INO80: variants seen among roughly 807,000 people sequenced by gnomAD.
The protein encoded by INO80 is INO80 complex ATPase subunit.
INO80 carries 20 observed loss-of-function variants against 203.4 expected under a neutral mutation model. The ratio of observed to expected loss-of-function variants is 0.10; its 90% CI spans 0.07 to 0.14. INO80 has a LOEUF of 0.14. Among genes scored for constraint, INO80 ranks in the 10% least tolerant of loss-of-function variants. The pLI is 1.00. For synonymous variants in INO80, 726 were observed against 685.2 expected (o/e 1.06, Z -0.93); for missense variants, 1,419 against 1,914.4 (o/e 0.74, Z 4.83).
chr15:41,101,508 C>A (rs967574423), intron 1 of INO80, among the ~76,000 whole-genome samples: 4 of 151,922 alleles, frequency 2.6e-5, no homozygotes, highest in African/African-American at 4.8e-5. Context: ...CTCTTACTTG[C>A]TGTGATATTT....
intron 9 of INO80, among the ~76,000 whole-genome samples, chr15:41,079,011 G>A (rs1468035803): frequency 6.6e-6 from 1 of 152,156 alleles, no homozygotes; most frequent in Non-Finnish European, 1.5e-5. Context: ...GCATGGTGGT[G>A]GGTGCCTATA....
At chr15:41,016,285 C>A in intron 26 of INO80, 70 bp from the exon 27 acceptor site, 1 of 1,445,160 alleles carries the variant, frequency 6.9e-7, no homozygotes, top group South Asian at 1.2e-5. Context: ...CAATGCAAAG[C>A]TGTATGCAAC....
intron 29 of INO80, among the ~76,000 whole-genome samples, chr15:40,990,362 C>T (rs1305153083): frequency 6.6e-6 from 1 of 152,066 alleles, no homozygotes; most frequent in Non-Finnish European, 1.5e-5. Flanking sequence ...CTGTTTCTGT[C>T]TCTCTTTTTC....
At chr15:41,031,614 GAGGGAGGA>G (rs1220609101) in intron 24 of INO80, among the ~76,000 whole-genome samples, 1 of 4,412 alleles carries the variant, frequency 2.3e-4, no homozygotes, top group African/African-American at 5.1e-4. Flanking sequence ...AGGAAGGGAG[GAGGGAGGA>G]AGGGAGGAAG....
intron 1 of INO80, among the ~76,000 whole-genome samples, chr15:41,103,788 A>G (rs1377271029): frequency 6.6e-6 from 1 of 152,180 alleles, no homozygotes; most frequent in South Asian, 2.1e-4. Context: ...GACCTTTATC[A>G]TCTGGTTTTG....
intron 5 of INO80, among the ~76,000 whole-genome samples, chr15:41,090,677 T>G (rs1461041351): frequency 6.6e-6 from 1 of 152,008 alleles, no homozygotes; most frequent in Non-Finnish European, 1.5e-5. Context: ...CTTTATGAGG[T>G]GATGCAAATG....
At chr15:41,092,295 C>T (rs769806065) in intron 4 of INO80, 113 bp from the exon 5 acceptor site, 23 of 697,894 alleles carry the variant, frequency 3.3e-5, no homozygotes, top group Non-Finnish European at 5.0e-5. Context: ...AAGATAGTCA[C>T]TCCAGTTCCC....
At chr15:41,041,825 A>G (rs1376119730) in intron 24 of INO80, among the ~76,000 whole-genome samples, 1 of 146,974 alleles carries the variant, frequency 6.8e-6, no homozygotes, top group Non-Finnish European at 1.5e-5. Flanking sequence ...GGCTGAAAGG[A>G]AAGATTTCCT....
chr15:40,990,717 A>G (rs1420188383), intron 29 of INO80, among the ~76,000 whole-genome samples: 1 of 152,232 alleles, frequency 6.6e-6, no homozygotes, highest in Non-Finnish European at 1.5e-5. Context: ...TTTTGGTTTC[A>G]AAGAGGACAT....
At position 41,095,008 on chromosome 15, in the gene INO80, G is replaced by A. The variant is rs148229071; in HGVS notation, c.381+593C>T. 1.5e-4 allele frequency among the ~76,000 whole-genome samples: 22 copies of A among 147,258 alleles called. No individual in the cohort carries two copies. In the Admixed American group the frequency reaches 1.5e-3, roughly 10 times the overall value. ...TTATTAACTTGGGTCCCATCTCCAA[G>A]ATATCTCATTTTGTATTGCAAATAT... On this transcript the variant is annotated intron_variant, in intron 4 of 35. Coordinates refer to ENST00000648947, the MANE Select transcript of INO80 (RefSeq NM_017553.3).
At position 41,057,461 on chromosome 15, in the gene INO80, C is replaced by CAA. The variant is rs34940669; in HGVS notation, c.1986-757_1986-756dup. Among the ~76,000 whole-genome samples the CAA allele has an allele frequency of 1.6e-3, 194 of 117,878 alleles. 1 individual carries two copies. The highest frequency in any genetic ancestry group is 4.5e-3 in the African/African-American group (142 of 31,366). The allele number at this position is 117,878 out of a possible 152,430, so 77.3% of individuals were successfully genotyped here. On this transcript the variant is annotated intron_variant, in intron 16 of 35. Coordinates refer to ENST00000648947, the MANE Select transcript of INO80 (RefSeq NM_017553.3). ...CAGAGCAAGACCCTATCCCCTGTCT[C>CAA]AAAAAAAAAAAAAAAAGATTGCTGT...
At chr15:41,084,538 G>T (rs150655451) in intron 7 of INO80, among the ~76,000 whole-genome samples, 2 of 152,168 alleles carry the variant, frequency 1.3e-5, no homozygotes, top group African/African-American at 4.8e-5. Context: ...CAGCCCAGGC[G>T]ACAGAGCAAG....
chr15:41,059,430 C>T (rs1427345258), intron 15 of INO80, among the ~76,000 whole-genome samples: 1 of 150,806 alleles, frequency 6.6e-6, no homozygotes, highest in Non-Finnish European at 1.5e-5. Flanking sequence ...TTTGAGACCA[C>T]CCTGGGCAAC....
At chr15:40,984,695 C>T (rs1370019291) in intron 32 of INO80, among the ~76,000 whole-genome samples, 1 of 151,922 alleles carries the variant, frequency 6.6e-6, no homozygotes, top group Non-Finnish European at 1.5e-5. Flanking sequence ...TTGGGGCAGT[C>T]ACACTGAACC....
At chr15:41,115,614 C>T (rs1351364279) in intron 1 of INO80, among the ~76,000 whole-genome samples, 2 of 152,148 alleles carry the variant, frequency 1.3e-5, no homozygotes, top group African/African-American at 4.8e-5. Flanking sequence ...CCGCCCTGCC[C>T]CTGCCCACCC....
At position 41,003,329 on chromosome 15, in the gene INO80, C is replaced by CTTTTTTTTTT. The variant is rs771356698; in HGVS notation, c.3497+2263_3497+2264insAAAAAAAAAA. ...TGGGATTGTGGGTGATTTTTCTTTTCTTTTCTTTTTTTTTTTTTTGAGATG... is the reference window on the plus strand; with the variant it reads ...TGGGATTGTGGGTGATTTTTCTTTTCTTTTTTTTTTTTTTCTTTTTTTTTTTTTTGAGATG... On this transcript the variant is annotated intron_variant, in intron 28 of 35. Transcript: ENST00000648947. 2.0e-4 allele frequency among the ~76,000 whole-genome samples: 21 copies of CTTTTTTTTTT among 107,604 alleles called. 6 individuals are homozygous for CTTTTTTTTTT. Among genetic ancestry groups the CTTTTTTTTTT allele is most frequent in the East Asian group, 3.1e-4 (1 of 3,246 alleles). The allele number at this position is 107,604 out of a possible 152,430, so 70.6% of individuals were successfully genotyped here. A position where few individuals can be genotyped will look rare whatever the true frequency, so the allele number is the denominator to read the frequency against.
At chr15:41,018,221 T>C (rs974944999) in intron 26 of INO80, 1 of 152,206 alleles carries the variant, frequency 6.6e-6, no homozygotes, top group Non-Finnish European at 1.5e-5. Flanking sequence ...TCTTTCTCCA[T>C]TTAGATATAC....
intron 14 of INO80, among the ~76,000 whole-genome samples, chr15:41,061,450 C>CAAAAAA (rs980593225): frequency 7.5e-4 from 50 of 66,928 alleles, no homozygotes; most frequent in African/African-American, 2.5e-3. Flanking sequence ...ACCAAAAATA[C>CAAAAAA]AAAAAAAAAA....
At chr15:41,092,667 A>G (rs952107942) in intron 4 of INO80, among the ~76,000 whole-genome samples, 2 of 152,216 alleles carry the variant, frequency 1.3e-5, no homozygotes, top group Admixed American at 6.5e-5. Flanking sequence ...GGAATAACAC[A>G]TGAGTAGGGG....
Sources: allele counts gnomAD v4.1 joint callset (sites outside exome capture counted in the v4.1 genomes callset), GRCh38; gene constraint gnomAD v4.1.1; transcripts MANE v1.5; gene names NCBI Gene and HGNC (gene_info 2026-07-23, HGNC 2026-07-21).